Variants in ITGB6 observed in about 807,000 individuals in gnomAD.
ITGB6 encodes integrin subunit beta 6.
In ITGB6, 80 loss-of-function variants were observed where a neutral mutation model predicts 84.5. That is an observed-to-expected ratio of 0.95 (90% CI 0.79 to 1.14). ITGB6 has a LOEUF of 1.14. Among genes scored for constraint, ITGB6 ranks in the 50% most tolerant of loss-of-function variants. The probability of loss-of-function intolerance (pLI) is 0.00; values close to 1 mark genes in which losing one functional copy is unlikely to be tolerated. For synonymous variants in ITGB6, 383 were observed against 354.9 expected (o/e 1.08, Z -0.89); for missense variants, 1,006 against 968.0 (o/e 1.04, Z -0.52).
chr2:160,137,541 T>C lies in ITGB6; in HGVS notation c.1553A>G (p.Tyr518Cys). ...HPSCSGRGDC[Y>C]CGQCICHLSP... is the part of the protein sequence containing the mutation. ...CAAGTGGCAGATACACTGCCCACAG[T>C]AGCAGTCACCCCTTCCGCTGCAGGA... The change falls in exon 10 of 15, where the codon TAC becomes TGC. Residue 518 changes from tyrosine (Y) to cysteine (C), a missense_variant. Coordinates refer to ENST00000283249, the MANE Select transcript of ITGB6 (RefSeq NM_000888.5). 6.2e-7 allele frequency: 1 copy of C among 1,614,154 alleles called. No individual in the cohort carries two copies. The highest frequency in any genetic ancestry group is 8.5e-7 in the Non-Finnish European group (1 of 1,179,974).
At chr2:160,179,313 AC>A (rs1430928198) in intron 4 of ITGB6, among the ~76,000 whole-genome samples, 1 of 151,690 alleles carries the variant, frequency 6.6e-6, no homozygotes, top group Non-Finnish European at 1.5e-5. Flanking sequence ...GAAACTATAT[AC>A]CATATACTCA....
chr2:160,138,854 CTT>C (rs1264358600), intron 8 of ITGB6, among the ~76,000 whole-genome samples: 1 of 152,280 alleles, frequency 6.6e-6, no homozygotes, highest in Admixed American at 6.5e-5. Context: ...AGCAATTAAA[CTT>C]AATATTTATG....
chr2:160,132,078 A>G (rs1036948486), intron 10 of ITGB6, among the ~76,000 whole-genome samples: 3 of 152,118 alleles, frequency 2.0e-5, no homozygotes, highest in Non-Finnish European at 2.9e-5. Context: ...TGTTTTGAAC[A>G]TGTATTTTAT....
rs200492977 is a variant in ITGB6, at chr2:160,126,485, C to T, written c.1777G>A (p.Gly593Arg). 400 of 1,614,182 alleles carry T rather than the reference C, an allele frequency of 2.5e-4. No individual in the cohort carries two copies. In the East Asian group the frequency reaches 4.9e-3, roughly 20 times the overall value. The change falls in exon 11 of 15, where the codon GGG becomes AGG. Residue 593 changes from glycine to arginine, a missense_variant. Physicochemically the swap from Gly to Arg is moderately radical, Grantham distance 125. Transcript: ENST00000283249. ...CVSEDGVLCS[G>R]RGDCVCGKCV... ...TTGCCACAAACACAGTCCCCGCGCC[C>T]GCTGCAGAGCACTCCATCTTCAGAG...
intron 7 of ITGB6, among the ~76,000 whole-genome samples, chr2:160,161,854 G>A (rs1347585440): frequency 1.3e-5 from 2 of 152,144 alleles, no homozygotes; most frequent in Non-Finnish European, 2.9e-5. Flanking sequence ...TAAAATTATA[G>A]ATGCCATTCC....
intron 13 of ITGB6, among the ~76,000 whole-genome samples, chr2:160,110,909 G>A (rs1682476633): frequency 6.6e-6 from 1 of 152,206 alleles, no homozygotes; most frequent in African/African-American, 2.4e-5. Flanking sequence ...AGGGAGCCTG[G>A]AGGCTGTCAG....
chr2:160,144,666 A>G (rs77445792), intron 7 of ITGB6, among the ~76,000 whole-genome samples: 3,733 of 152,304 alleles, frequency 0.025, 146 homozygotes, highest in African/African-American at 0.085. Flanking sequence ...CCCAGGACTG[A>G]GGTGTCACAG....
At chr2:160,152,903 A>C (rs1024956664) in intron 7 of ITGB6, among the ~76,000 whole-genome samples, 1 of 152,176 alleles carries the variant, frequency 6.6e-6, no homozygotes, top group Non-Finnish European at 1.5e-5. Flanking sequence ...GATGTGAAGG[A>C]CCTCTTCAAG....
Position 160,141,989 on chromosome 2 carries a change from G to A in ITGB6, c.1100C>T (p.Ala367Val). ...SGNILQLIIS[A>V]YEELRSEVEL... is the part of the protein sequence containing the mutation. ...AGCTGTAAAATATCCTACTTCATAA[G>A]CTGAGATGATCAGCTGGAGAATGTT... The change falls in exon 8 of 15, where the codon GCT (alanine) becomes GTT (valine). Residue 367 changes from alanine (A) to valine (V), a missense_variant. Ala to Val is a moderately conservative substitution (Grantham distance 64). Transcript: ENST00000283249. The A allele has an allele frequency of 1.3e-6, 2 of 1,595,428 alleles. No homozygotes were observed. Among genetic ancestry groups the A allele is most frequent in the East Asian group, 2.2e-5 (1 of 44,664 alleles).
intron 2 of ITGB6, among the ~76,000 whole-genome samples, chr2:160,197,722 A>G (rs1686398944): frequency 6.6e-6 from 1 of 152,248 alleles, no homozygotes; most frequent in Admixed American, 6.5e-5. Flanking sequence ...GTAACTTCCC[A>G]TGATGTAACC....
intron 4 of ITGB6, among the ~76,000 whole-genome samples, chr2:160,176,874 C>A (rs1257072846): frequency 2.0e-5 from 3 of 152,126 alleles, no homozygotes; most frequent in African/African-American, 7.2e-5. Flanking sequence ...TTTATTTGAT[C>A]ATCTTTCTAT....
rs527469089 is a variant in ITGB6, at chr2:160,120,778, G to A, written c.1981+3013C>T. Among the ~76,000 whole-genome samples, 10 of 143,732 alleles carry A rather than the reference G, an allele frequency of 7.0e-5. No homozygotes were observed. The South Asian group carries it at 2.0e-3, about 29-fold the overall frequency. The allele number at this position is 143,732 out of a possible 152,430, so 94.3% of individuals were successfully genotyped here. Reference sequence around the variant, plus strand: ...CCTTTGTAGGGACATGGATGAAACTGGAAACCATCATTCTCAGCAAACTAT... The same window carrying A: ...CCTTTGTAGGGACATGGATGAAACTAGAAACCATCATTCTCAGCAAACTAT... On this transcript the variant is annotated intron_variant, in intron 12 of 14. Coordinates refer to ENST00000283249, the MANE Select transcript of ITGB6 (RefSeq NM_000888.5).
chr2:160,103,488 G>T (rs573987002), intron 14 of ITGB6, among the ~76,000 whole-genome samples: 2 of 152,262 alleles, frequency 1.3e-5, no homozygotes, highest in African/African-American at 4.8e-5. Flanking sequence ...TTGGTATATT[G>T]CTTCTATTCC....
At chr2:160,196,609 G>A (rs371328359) in intron 2 of ITGB6, among the ~76,000 whole-genome samples, 189 bp from the exon 3 acceptor site, 3 of 152,154 alleles carry the variant, frequency 2.0e-5, no homozygotes, top group East Asian at 1.9e-4. Context: ...AGAGAATTCT[G>A]CCGGTAAAAT....
At chr2:160,173,899 T>A in intron 5 of ITGB6, 75 bp downstream of exon 5, 1 of 1,297,738 alleles carries the variant, frequency 7.7e-7, no homozygotes, top group South Asian at 1.4e-5. Context: ...AATTAGCTAA[T>A]CTTTTTGAAG....
chr2:160,137,539 A>C lies in ITGB6; in HGVS notation c.1555T>G (p.Cys519Gly). Residue 519 changes from cysteine to glycine, a missense_variant, in exon 10 of 15, where the codon TGT becomes GGT. Transcript: ENST00000283249. ...GACAAGTGGCAGATACACTGCCCAC[A>C]GTAGCAGTCACCCCTTCCGCTGCAG... ...PSCSGRGDCY[C>G]GQCICHLSPY... 1 of 1,614,180 alleles carries C rather than the reference A, an allele frequency of 6.2e-7. No individual in the cohort carries two copies. Among genetic ancestry groups the C allele is most frequent in the Admixed American group, 1.7e-5 (1 of 60,032 alleles).
At chr2:160,106,515 G>T in intron 14 of ITGB6, among the ~76,000 whole-genome samples, 1 of 152,236 alleles carries the variant, frequency 6.6e-6, no homozygotes, top group South Asian at 2.1e-4. Flanking sequence ...CTAAGATTAC[G>T]GTGTGAGCCA....
intron 11 of ITGB6, among the ~76,000 whole-genome samples, chr2:160,126,153 C>A (rs1012797451): frequency 6.6e-6 from 1 of 152,098 alleles, no homozygotes; most frequent in Non-Finnish European, 1.5e-5. Context: ...CTAGCAGAAA[C>A]GTGACATTGT....
chr2:160,191,822 A>T (rs1300690586), intron 4 of ITGB6, among the ~76,000 whole-genome samples: 2 of 152,208 alleles, frequency 1.3e-5, no homozygotes, highest in African/African-American at 4.8e-5. Flanking sequence ...AGTTTGCAGG[A>T]TACAAAGTGA....
Sources: allele counts gnomAD v4.1 joint callset (sites outside exome capture counted in the v4.1 genomes callset), GRCh38; gene constraint gnomAD v4.1.1; transcripts MANE v1.5; gene names NCBI Gene and HGNC (gene_info 2026-07-23, HGNC 2026-07-21).